Variants in RYR2 observed in about 807,000 individuals in gnomAD.
RYR2 encodes cardiac muscle ryanodine receptor-calcium release channel.
A neutral mutation model predicts 601.1 loss-of-function variants in RYR2; 227 were observed. That is an observed-to-expected ratio of 0.38 (90% CI 0.34 to 0.42). The LOEUF (loss-of-function observed/expected upper bound fraction) is 0.42, where lower values mean the gene tolerates loss of function less well. Ranked by LOEUF, RYR2 falls within the 10% of genes least tolerant of loss-of-function variation. The pLI is 1.00. For missense variants in RYR2, 4,646 were observed against 6,156.5 expected, an observed-to-expected ratio of 0.75 and a Z score of 8.21; for synonymous variants, 2,223 against 2,175.1, an observed-to-expected ratio of 1.02 and a Z score of -0.61.
chr1:237,688,808 A>G (rs990552340), intron 63 of RYR2, among the ~76,000 whole-genome samples: 2 of 152,216 alleles, frequency 1.3e-5, no homozygotes, highest in African/African-American at 4.8e-5. Context: ...CTAATTATAC[A>G]TATCAGCTGC....
Position 237,261,469 on chromosome 1 carries a change from A to G in RYR2, c.49-9028A>G, listed in dbSNP as rs144107560. Among the ~76,000 whole-genome samples the G allele has an allele frequency of 5.1e-4, 78 of 152,316 alleles. 1 individual carries two copies. In the East Asian group the frequency reaches 0.015, roughly 29 times the overall value. On this transcript the variant is annotated intron_variant, in intron 1 of 104. Coordinates refer to ENST00000366574, the MANE Select transcript of RYR2 (RefSeq NM_001035.3). ...TGAATTTTCTGACGATGCTAAGTCC[A>G]TGCTTTCCTGCCTAGAGGGCTTTCA...
intron 17 of RYR2, among the ~76,000 whole-genome samples, chr1:237,485,617 A>G (rs6673954): frequency 0.3 from 44,915 of 152,082 alleles, 6,836 homozygotes; most frequent in Middle Eastern, 0.46. Flanking sequence ...AACATCAGCA[A>G]AGGATTGAAG....
chr1:237,620,353 A>C (rs150165735), intron 38 of RYR2, among the ~76,000 whole-genome samples: 33 of 72,108 alleles, frequency 4.6e-4, no homozygotes, highest in Middle Eastern at 0.013. Context: ...TACACTGAGA[A>C]GTACCACAGA....
At chr1:237,390,957 T>C (rs1361952106) in intron 10 of RYR2, among the ~76,000 whole-genome samples, 1 of 152,116 alleles carries the variant, frequency 6.6e-6, no homozygotes, top group Non-Finnish European at 1.5e-5. Flanking sequence ...GATGTCAGAT[T>C]ATGACTCGAG....
chr1:237,695,237 T>A (rs1374582403), intron 63 of RYR2, among the ~76,000 whole-genome samples: 1 of 152,192 alleles, frequency 6.6e-6, no homozygotes, highest in Non-Finnish European at 1.5e-5. Flanking sequence ...GTTGTTATAA[T>A]TTGTTTAAAA....
At chr1:237,551,930 T>C (rs1213474644) in intron 27 of RYR2, among the ~76,000 whole-genome samples, 1 of 152,186 alleles carries the variant, frequency 6.6e-6, no homozygotes, top group African/African-American at 2.4e-5. Context: ...CCATTTAAAG[T>C]GGCAGGTGTA....
intron 24 of RYR2, among the ~76,000 whole-genome samples, chr1:237,518,080 C>T (rs181491018): frequency 1.6e-4 from 24 of 152,158 alleles, no homozygotes; most frequent in Admixed American, 1.4e-3. Context: ...GTTAATCTAT[C>T]GACTTCTTTA....
In RYR2 at chr1:237,648,602, T is replaced by G. The variant is rs747787121; in HGVS notation, c.7501T>G (p.Ser2501Ala). The G allele has an allele frequency of 2.5e-6, 4 of 1,609,310 alleles. No homozygotes were observed. The highest frequency in any genetic ancestry group is 3.4e-6 in the Non-Finnish European group (4 of 1,177,520). Residue 2501 changes from serine to alanine, a missense_variant, in exon 49 of 105, where the codon TCT becomes GCT. By Grantham distance (99) the Ser-to-Ala change is moderately conservative. Transcript: ENST00000366574. Reference protein sequence around the residue: ...GFLPDLRAAASLDTAALSATD... With the variant: ...GFLPDLRAAAALDTAALSATD... ...TCTGCCAGATCTCCGGGCGGCTGCT[T>G]CTTTAGATACGGTGAGATTGGAGCG...
intron 1 of RYR2, among the ~76,000 whole-genome samples, chr1:237,209,132 G>A (rs1682263310): frequency 6.7e-6 from 1 of 149,698 alleles, no homozygotes; most frequent in African/African-American, 2.4e-5. Context: ...TGTGTAACAG[G>A]ATACATATTT....
intron 2 of RYR2, among the ~76,000 whole-genome samples, chr1:237,284,558 ATTCCACC>A (rs1286483918): frequency 4.0e-5 from 5 of 126,574 alleles, no homozygotes; most frequent in Non-Finnish European, 4.9e-5. Flanking sequence ...GTATATATAT[ATTCCACC>A]ATATATATAC....
chr1:237,441,535 A>G (rs1707903941), intron 13 of RYR2, 52 bp downstream of exon 13: 1 of 1,427,594 alleles, frequency 7.0e-7, no homozygotes, highest in African/African-American at 1.4e-5. Context: ...TTATGAATAC[A>G]CAAGCACAAG....
intron 5 of RYR2, among the ~76,000 whole-genome samples, chr1:237,365,157 A>G (rs1700085470): frequency 6.6e-6 from 1 of 152,194 alleles, no homozygotes; most frequent in African/African-American, 2.4e-5. Flanking sequence ...CCAAGAAACA[A>G]TGGGTAGGTA....
intron 2 of RYR2, among the ~76,000 whole-genome samples, chr1:237,279,390 A>G (rs1444724721): frequency 6.6e-6 from 1 of 152,238 alleles, no homozygotes; most frequent in African/African-American, 2.4e-5. Flanking sequence ...TACTTAAAAA[A>G]TAATTAATAT....
intron 34 of RYR2, among the ~76,000 whole-genome samples, chr1:237,596,076 T>G (rs1400107415): frequency 6.6e-6 from 1 of 151,966 alleles, no homozygotes; most frequent in Non-Finnish European, 1.5e-5. Flanking sequence ...AGCTACTTCA[T>G]AAAGTTGGAA....
At chr1:237,827,936 CAAAAAAAAA>C (rs58421624) in intron 101 of RYR2, among the ~76,000 whole-genome samples, 4 of 69,320 alleles carry the variant, frequency 5.8e-5, no homozygotes, top group Admixed American at 2.3e-4. Flanking sequence ...GACTCCGTCT[CAAAAAAAAA>C]AAAAAAAAAA....
intron 8 of RYR2, among the ~76,000 whole-genome samples, chr1:237,385,167 G>A (rs1438976358): frequency 6.6e-6 from 1 of 152,082 alleles, no homozygotes; most frequent in East Asian, 1.9e-4. Context: ...GTGATTACAG[G>A]CGTGAGCCAC....
At chr1:237,712,045 T>G (rs563122019) in intron 71 of RYR2, among the ~76,000 whole-genome samples, 2 of 152,242 alleles carry the variant, frequency 1.3e-5, no homozygotes, top group African/African-American at 4.8e-5. Context: ...GGGAAATGAC[T>G]GTCATGAAGG....
intron 1 of RYR2, among the ~76,000 whole-genome samples, chr1:237,122,546 G>A (rs1250792007): frequency 1.3e-5 from 2 of 152,174 alleles, no homozygotes. Flanking sequence ...GCCAGGCGTG[G>A]TGGCCTACGC....
intron 35 of RYR2, among the ~76,000 whole-genome samples, chr1:237,608,796 G>GTTTTTTTT: frequency 8.4e-6 from 1 of 119,216 alleles, no homozygotes; most frequent in African/African-American, 3.0e-5. Context: ...AGACTGACCT[G>GTTTTTTTT]TTTTTTTTTT....
Sources: gnomAD v4.1 joint callset for allele counts (sites outside exome capture counted in the v4.1 genomes callset) on GRCh38, gnomAD v4.1.1 for gene constraint, MANE v1.5 for transcripts, NCBI Gene and HGNC (gene_info 2026-07-23, HGNC 2026-07-21) for gene names.